The following ZFHX4 variants were observed in gnomAD, a reference collection of about 807,000 sequenced individuals.
The protein encoded by ZFHX4 is zinc finger homeobox 4.
ZFHX4 carries 56 observed loss-of-function variants against 267.6 expected under a neutral mutation model. That is an observed-to-expected ratio of 0.21 (90% CI 0.17 to 0.26). The LOEUF is 0.26. Ranked by LOEUF, ZFHX4 falls within the 10% of genes least tolerant of loss-of-function variation. The pLI is 1.00. For synonymous variants in ZFHX4, 1,778 were observed against 1,665.6 expected, an observed-to-expected ratio of 1.07 and a Z score of -1.64; for missense variants, 4,332 against 4,420.0, an observed-to-expected ratio of 0.98 and a Z score of 0.56.
intron 1 of ZFHX4, among the ~76,000 whole-genome samples, chr8:76,684,959 T>C (rs530782583): frequency 6.6e-6 from 1 of 152,212 alleles, no homozygotes; most frequent in Non-Finnish European, 1.5e-5. Context: ...CAATATTAGA[T>C]CCTGCACTGG....
intron 6 of ZFHX4, among the ~76,000 whole-genome samples, chr8:76,845,107 A>T (rs1463020665): frequency 6.6e-6 from 1 of 152,132 alleles, no homozygotes. Context: ...AGGAATTAAC[A>T]TATGTTAGGA....
intron 4 of ZFHX4, among the ~76,000 whole-genome samples, chr8:76,801,447 T>C (rs917007668): frequency 3.3e-5 from 5 of 152,166 alleles, no homozygotes; most frequent in Non-Finnish European, 7.4e-5. Flanking sequence ...ACCTCCGCAT[T>C]TGTGGGCTAT....
At position 76,848,504 on chromosome 8, in the gene ZFHX4, C is replaced by T. The variant is rs117022270; in HGVS notation, c.3512-491C>T. The stretch of plus-strand genomic sequence containing the variant: ...ATATGATTAATTTTACAATCCTTTC[C>T]GTTTTTAAATCCATTCATGACATAA... On this transcript the variant is annotated intron_variant, in intron 6 of 10. Coordinates refer to ENST00000651372, the MANE Select transcript of ZFHX4 (RefSeq NM_024721.5). Among the ~76,000 whole-genome samples the T allele has an allele frequency of 1.0e-3, 156 of 152,166 alleles. 1 individual carries two copies. In the East Asian group the frequency reaches 0.014, roughly 14 times the overall value.
intron 5 of ZFHX4, among the ~76,000 whole-genome samples, chr8:76,841,881 G>A (rs543004975): frequency 1.3e-5 from 2 of 152,276 alleles, no homozygotes; most frequent in East Asian, 3.9e-4. Flanking sequence ...AGAACAGTGG[G>A]CCTTTCACGG....
chr8:76,750,491 C>A (rs1318833480), intron 3 of ZFHX4, among the ~76,000 whole-genome samples: 1 of 151,956 alleles, frequency 6.6e-6, no homozygotes, highest in Non-Finnish European at 1.5e-5. Flanking sequence ...CTCAGAATAA[C>A]CATACAAGGA....
chr8:76,836,763 ATAAAT>A (rs1282533883), intron 5 of ZFHX4, among the ~76,000 whole-genome samples: 2 of 152,130 alleles, frequency 1.3e-5, no homozygotes, highest in Non-Finnish European at 2.9e-5. Context: ...GTTGTGCAGA[ATAAAT>A]TAAAGGAACA....
intron 4 of ZFHX4, among the ~76,000 whole-genome samples, chr8:76,782,437 T>G (rs565209835): frequency 6.6e-6 from 1 of 152,122 alleles, no homozygotes; most frequent in Non-Finnish European, 1.5e-5. Context: ...TATTTAAAGA[T>G]AGCAATGCAG....
In ZFHX4 at chr8:76,865,634, T is replaced by C. The variant is rs966432798; in HGVS notation, c.*1069T>C. ...AGTAGTACTGTATACTTGAAACTGT[T>C]TAAGTACAAGTTGAACAAAAATTAT... On this transcript the variant is annotated 3_prime_UTR_variant, in exon 11 of 11. Coordinates refer to ENST00000651372, the MANE Select transcript of ZFHX4 (RefSeq NM_024721.5). 2.0e-5 allele frequency: 3 copies of C among 152,548 alleles called. No homozygotes were observed. Among genetic ancestry groups the C allele is most frequent in the East Asian group, 1.9e-4 (1 of 5,202 alleles). The allele number at this position is 152,548 out of a possible 1,614,324, so 9.4% of individuals were successfully genotyped here. A position where few individuals can be genotyped will look rare whatever the true frequency, so the allele number is the denominator to read the frequency against.
intron 4 of ZFHX4, among the ~76,000 whole-genome samples, chr8:76,822,797 AT>A (rs1354192333): frequency 1.3e-5 from 2 of 151,668 alleles, no homozygotes; most frequent in African/African-American, 4.8e-5. Context: ...TAATTTCTTG[AT>A]TTTTGTTCCC....
Position 76,864,065 on chromosome 8 carries a change from G to T in ZFHX4, c.10351G>T (p.Ala3451Ser), listed in dbSNP as rs766720928. The stretch of plus-strand genomic sequence containing the variant: ...CCCAGTCAGCAAATATCAGTGTCTT[G>T]CCTGTGATGTGGCTATCAGTGGGAA... ...RVPVSKYQCL[A>S]CDVAISGNEA... The change falls in exon 11 of 11, where the codon GCC (alanine) becomes TCC (serine). Residue 3451 changes from alanine to serine, a missense_variant. Transcript: ENST00000651372. 1.9e-6 allele frequency: 3 copies of T among 1,613,822 alleles called. 1 individual carries two copies. Among genetic ancestry groups the T allele is most frequent in the Non-Finnish European group, 2.5e-6 (3 of 1,179,860 alleles).
At chr8:76,700,610 A>C (rs184375408) in intron 1 of ZFHX4, among the ~76,000 whole-genome samples, 117 of 152,338 alleles carry the variant, frequency 7.7e-4, no homozygotes, top group African/African-American at 2.8e-3. Flanking sequence ...AAAGCAAAGC[A>C]GAATGAGTAA....
At chr8:76,785,528 A>G (rs1418350859) in intron 4 of ZFHX4, among the ~76,000 whole-genome samples, 2 of 152,244 alleles carry the variant, frequency 1.3e-5, no homozygotes, top group Non-Finnish European at 2.9e-5. Flanking sequence ...TAAGTTTCCT[A>G]CAAGTGGCTC....
At chr8:76,701,217 A>T (rs1051029891) in intron 1 of ZFHX4, among the ~76,000 whole-genome samples, 8 of 152,150 alleles carry the variant, frequency 5.3e-5, no homozygotes, top group African/African-American at 1.9e-4. Context: ...TAAAAATTTT[A>T]AAATCAAATA....
At position 76,853,929 on chromosome 8, in the gene ZFHX4, C is replaced by T; in HGVS notation, c.7008C>T (p.Tyr2336=). ...DLITHQKKQC[Y]KDEDDDAQDE... ...TTACGCATCAGAAAAAGCAGTGTTA[C>T]AAGGATGAAGATGATGATGCCCAAG... Residue 2336 remains tyrosine (Y), a synonymous_variant, in exon 10 of 11, where the codon TAC becomes TAT. Coordinates refer to ENST00000651372, the MANE Select transcript of ZFHX4 (RefSeq NM_024721.5). 6.2e-7 allele frequency: 1 copy of T among 1,613,852 alleles called. No individual in the cohort carries two copies. The highest frequency in any genetic ancestry group is 8.5e-7 in the Non-Finnish European group (1 of 1,179,868).
At chr8:76,734,017 G>A (rs562855306) in intron 3 of ZFHX4, among the ~76,000 whole-genome samples, 2 of 152,176 alleles carry the variant, frequency 1.3e-5, no homozygotes, top group East Asian at 3.9e-4. Flanking sequence ...AAAGTACATC[G>A]GGACTTGTTT....
chr8:76,853,611 A>G lies in ZFHX4; in HGVS notation c.6690A>G (p.Arg2230=), dbSNP rs1812610817. ...CATCATTCAGTAAAAGGTCTTCTAG[A>G]ACGAGATTTACTGACTACCAGCTTA... ...SDASFSKRSS[R]TRFTDYQLRV... The change falls in exon 10 of 11, where the codon AGA becomes AGG. Residue 2230 remains arginine (R), a synonymous_variant. Coordinates refer to ENST00000651372, the MANE Select transcript of ZFHX4 (RefSeq NM_024721.5). 6.2e-7 allele frequency: 1 copy of G among 1,613,872 alleles called. No individual in the cohort carries two copies.
At chr8:76,684,034 T>G (rs912086989) in intron 1 of ZFHX4, 2 of 151,760 alleles carry the variant, frequency 1.3e-5, no homozygotes, top group African/African-American at 4.8e-5. Context: ...AGCTCAGACT[T>G]TCTTTCTGTT....
intron 3 of ZFHX4, among the ~76,000 whole-genome samples, chr8:76,715,855 T>C (rs1441340817): frequency 1.3e-5 from 2 of 152,222 alleles, no homozygotes; most frequent in Non-Finnish European, 2.9e-5. Flanking sequence ...TAGAATTTCC[T>C]ATAGACTTTA....
Position 76,867,142 on chromosome 8 carries a change from T to C in ZFHX4, c.*2577T>C, listed in dbSNP as rs922322320. 3 of 152,560 alleles carry C rather than the reference T, an allele frequency of 2.0e-5. No homozygotes were observed. Among genetic ancestry groups the C allele is most frequent in the Non-Finnish European group, 4.4e-5 (3 of 68,016 alleles). The allele number at this position is 152,560 out of a possible 1,614,324, so 9.5% of individuals were successfully genotyped here. A position where few individuals can be genotyped will look rare whatever the true frequency, so the allele number is the denominator to read the frequency against. The stretch of plus-strand genomic sequence containing the variant: ...CGGTAAATAACATGGTTTTGAAAAC[T>C]TTTTTTTATTTTGTCACAGACCTGT... On this transcript the variant is annotated 3_prime_UTR_variant, in exon 11 of 11. Transcript: ENST00000651372.
Sources: allele counts gnomAD v4.1 joint callset (sites outside exome capture counted in the v4.1 genomes callset), GRCh38; gene constraint gnomAD v4.1.1; transcripts MANE v1.5; gene names NCBI Gene and HGNC (gene_info 2026-07-23, HGNC 2026-07-21).